TRPM3: variants seen among roughly 807,000 people sequenced by gnomAD.
TRPM3 encodes the protein transient receptor potential cation channel subfamily M member 3.
Under a neutral mutation model 181.2 loss-of-function variants are expected in TRPM3, and 77 were observed. The ratio of observed to expected loss-of-function variants is 0.42; its 90% CI spans 0.35 to 0.51. The LOEUF is 0.51. Ranked by LOEUF, TRPM3 falls within the 20% of genes least tolerant of loss-of-function variation. The pLI, the probability that TRPM3 is intolerant of heterozygous loss-of-function variation, is 0.01. For synonymous variants in TRPM3, 745 were observed against 796.4 expected (o/e 0.94, Z 1.09); for missense variants, 1,759 against 2,196.7 (o/e 0.80, Z 3.98).
chr9:70,553,134 C>G (rs369327369), intron 23 of TRPM3, 26 bp downstream of exon 23: 2 of 1,614,026 alleles, frequency 1.2e-6, no homozygotes, highest in South Asian at 1.1e-5. Flanking sequence ...CTCATCCATC[C>G]CACGTGCTCC....
At chr9:71,123,094 G>A (rs550248641), upstream of TRPM3, among the ~76,000 whole-genome samples, 51 of 152,266 alleles carry the variant, frequency 3.3e-4, no homozygotes, top group African/African-American at 1.1e-3. Flanking sequence ...TAACATACTA[G>A]TATAACTGGA....
chr9:70,598,754 T>C lies in TRPM3; in HGVS notation c.2797-84A>G. On this transcript the variant is annotated intron_variant, in intron 20 of 25. Coordinates refer to ENST00000677713, the MANE Select transcript of TRPM3 (RefSeq NM_001366145.2). ...GTTGGGAAGTGCTTGGTCTGTTGGC[T>C]GATGTTAGTAGCTTGCTTTGTCTAC... The C allele has an allele frequency of 2.0e-6, 3 of 1,510,694 alleles. No homozygotes were observed. The South Asian group carries it at 3.7e-5, about 19-fold the overall frequency. The allele number at this position is 1,510,694 out of a possible 1,614,324, so 93.6% of individuals were successfully genotyped here.
At chr9:71,118,334 G>A (rs2072886708) in intron 1 of TRPM3, among the ~76,000 whole-genome samples, 1 of 152,142 alleles carries the variant, frequency 6.6e-6, no homozygotes, top group South Asian at 2.1e-4. Flanking sequence ...GGAATAATAA[G>A]TACATTCCAA....
intron 5 of TRPM3, among the ~76,000 whole-genome samples, chr9:70,841,873 C>T (rs148638420): frequency 0.011 from 1,698 of 151,438 alleles, 36 homozygotes; most frequent in African/African-American, 0.038. Flanking sequence ...TAAGTGGGGG[C>T]AAAGTACTAG....
At chr9:71,379,530 C>G (rs931466252) in intron 1 of TRPM3, among the ~76,000 whole-genome samples, 1 of 151,920 alleles carries the variant, frequency 6.6e-6, no homozygotes, top group African/African-American at 2.4e-5. Flanking sequence ...TTAATTCTGG[C>G]TACAGATTAG....
At position 70,532,295 on chromosome 9, in the gene TRPM3, T is replaced by C. The variant is rs2040990921; in HGVS notation, c.*3658A>G. 1 of 152,224 alleles carries C rather than the reference T, an allele frequency of 6.6e-6. No homozygotes were observed. Among genetic ancestry groups the C allele is most frequent in the African/African-American group, 2.4e-5 (1 of 41,464 alleles). 9.4% of individuals were successfully genotyped at this position (152,224 alleles called of 1,614,324 possible). On this transcript the variant is annotated 3_prime_UTR_variant, in exon 26 of 26. Transcript: ENST00000677713. ...TATCTATAGAAACCATATTTTAGAA[T>C]ACATTTGAAACATTCAGAAGAAACA...
At chr9:70,961,600 T>C (rs2097137220) in intron 1 of TRPM3, among the ~76,000 whole-genome samples, 1 of 152,188 alleles carries the variant, frequency 6.6e-6, no homozygotes, top group South Asian at 2.1e-4. Context: ...CTACCTTAGA[T>C]GTCCTCTTAC....
At chr9:71,426,348 T>C (rs1374886536) in intron 1 of TRPM3, among the ~76,000 whole-genome samples, 1 of 151,842 alleles carries the variant, frequency 6.6e-6, no homozygotes, top group African/African-American at 2.4e-5. Context: ...TACCACACAC[T>C]ACCACTGGCA....
intron 1 of TRPM3, among the ~76,000 whole-genome samples, chr9:71,264,588 T>G (rs2083266081): frequency 6.6e-6 from 1 of 152,184 alleles, no homozygotes; most frequent in Non-Finnish European, 1.5e-5. Context: ...TTCTATAAGC[T>G]TTAAACACAT....
chr9:70,759,701 G>T (rs961578592), intron 8 of TRPM3, among the ~76,000 whole-genome samples: 1 of 152,152 alleles, frequency 6.6e-6, no homozygotes, highest in African/African-American at 2.4e-5. Context: ...GATGAAGCTG[G>T]AAACCATCAT....
At chr9:70,843,817 T>C (rs1246624678) in intron 4 of TRPM3, among the ~76,000 whole-genome samples, 3 of 152,208 alleles carry the variant, frequency 2.0e-5, no homozygotes, top group Non-Finnish European at 4.4e-5. Context: ...GAAGATGCAA[T>C]TTCTAATTCT....
At chr9:71,151,769 C>T (rs1157037841) in intron 1 of TRPM3, among the ~76,000 whole-genome samples, 1 of 151,868 alleles carries the variant, frequency 6.6e-6, no homozygotes, top group Non-Finnish European at 1.5e-5. Flanking sequence ...TCTTAAGTAG[C>T]CACTAAAAAA....
chr9:70,910,473 T>C (rs1244591539), intron 1 of TRPM3, among the ~76,000 whole-genome samples: 11 of 152,188 alleles, frequency 7.2e-5, no homozygotes, highest in Non-Finnish European at 1.0e-4. Context: ...TATAAGTATA[T>C]GCACTTTGTG....
intron 1 of TRPM3, among the ~76,000 whole-genome samples, chr9:70,938,254 G>A (rs539743623): frequency 6.6e-6 from 1 of 152,256 alleles, no homozygotes; most frequent in Admixed American, 6.5e-5. Flanking sequence ...GTCAAACCAC[G>A]TAGAAACCAT....
chr9:71,006,335 A>C (rs893008523), intron 1 of TRPM3, among the ~76,000 whole-genome samples: 2 of 152,162 alleles, frequency 1.3e-5, no homozygotes, highest in African/African-American at 4.8e-5. Flanking sequence ...GAAAACCCGT[A>C]CTTATCAATA....
intron 1 of TRPM3, among the ~76,000 whole-genome samples, chr9:71,206,316 T>C (rs1203161347): frequency 1.3e-5 from 2 of 152,222 alleles, no homozygotes. Context: ...TATCTCATTG[T>C]GGTTTTATTT....
At chr9:71,170,679 C>G (rs1181045573) in intron 1 of TRPM3, among the ~76,000 whole-genome samples, 1 of 152,104 alleles carries the variant, frequency 6.6e-6, no homozygotes, top group East Asian at 1.9e-4. Flanking sequence ...CAATCAATAC[C>G]CTTGTGATTT....
intron 1 of TRPM3, among the ~76,000 whole-genome samples, chr9:71,182,732 G>C (rs2077470886): frequency 6.6e-6 from 1 of 152,048 alleles, no homozygotes; most frequent in East Asian, 1.9e-4. Flanking sequence ...TGACATCTTG[G>C]CTCATTGCAA....
At chr9:71,083,096 C>T (rs1182591258) in intron 1 of TRPM3, among the ~76,000 whole-genome samples, 1 of 152,036 alleles carries the variant, frequency 6.6e-6, no homozygotes, top group Non-Finnish European at 1.5e-5. Context: ...ACAGAACCCA[C>T]TGAGAGCTTA....
Sources: allele counts gnomAD v4.1 joint callset (sites outside exome capture counted in the v4.1 genomes callset), GRCh38; gene constraint gnomAD v4.1.1; transcripts MANE v1.5; gene names NCBI Gene and HGNC (gene_info 2026-07-23, HGNC 2026-07-21).